The following SORBS2 variants were observed in gnomAD, a reference collection of about 807,000 sequenced individuals.
The protein encoded by SORBS2 is sorbin and SH3 domain containing 2.
In SORBS2, 46 loss-of-function variants were observed where a neutral mutation model predicts 97.7. The observed-to-expected ratio is 0.47, with a 90% CI of 0.37 to 0.60. The LOEUF (loss-of-function observed/expected upper bound fraction) is 0.60, where lower values mean the gene tolerates loss of function less well. SORBS2 is among the 20% of genes least tolerant of loss of function. SORBS2 has a pLI of 0.00. For missense variants in SORBS2, 1,316 were observed against 1,282.3 expected, an observed-to-expected ratio of 1.03 and a Z score of -0.40; for synonymous variants, 476 against 473.4, an observed-to-expected ratio of 1.01 and a Z score of -0.07.
At chr4:185,792,938 C>A (rs190397988) in intron 1 of SORBS2, among the ~76,000 whole-genome samples, 2 of 152,192 alleles carry the variant, frequency 1.3e-5, no homozygotes, top group East Asian at 1.9e-4. Context: ...AACTTCTCTG[C>A]GCCTGTTTCC....
intron 2 of SORBS2, among the ~76,000 whole-genome samples, 188 bp from the exon 3 acceptor site, chr4:185,734,342 G>A (rs2098667857): frequency 6.6e-6 from 1 of 152,138 alleles, no homozygotes; most frequent in South Asian, 2.1e-4. Flanking sequence ...GATACTTACT[G>A]TTTTTAGTTT....
intron 1 of SORBS2, among the ~76,000 whole-genome samples, chr4:185,845,941 CTCAT>C (rs144382373): frequency 0.051 from 7,823 of 152,274 alleles, 246 homozygotes; most frequent in African/African-American, 0.088. Flanking sequence ...AACAGGAGCT[CTCAT>C]TCACTGCTAG....
chr4:185,637,195 A>G (rs1171095985), intron 4 of SORBS2, among the ~76,000 whole-genome samples: 1 of 152,268 alleles, frequency 6.6e-6, no homozygotes, highest in East Asian at 1.9e-4. Context: ...CTATGGGATT[A>G]TAAGACTGTA....
At chr4:185,610,676 G>A (rs1042585912) in intron 12 of SORBS2, among the ~76,000 whole-genome samples, 3 of 152,040 alleles carry the variant, frequency 2.0e-5, no homozygotes, top group African/African-American at 7.2e-5. Flanking sequence ...TCACTGGGAT[G>A]CTATCTTGAA....
At chr4:185,629,270 G>A (rs899336293) in intron 5 of SORBS2, among the ~76,000 whole-genome samples, 2 of 151,984 alleles carry the variant, frequency 1.3e-5, no homozygotes, top group African/African-American at 2.4e-5. Context: ...GTGTCTTTAC[G>A]GCAATCTGTA....
intron 11 of SORBS2, among the ~76,000 whole-genome samples, chr4:185,614,344 A>T (rs927158575): frequency 3.3e-5 from 5 of 151,814 alleles, no homozygotes; most frequent in South Asian, 2.1e-4. Context: ...CCAAAGAAGG[A>T]TGATCCAGGG....
At position 185,586,171 on chromosome 4, in the gene SORBS2, A is replaced by G. The variant is rs1005666371; in HGVS notation, c.*1456T>C. 3.9e-5 allele frequency: 6 copies of G among 152,690 alleles called. No individual in the cohort carries two copies. In the South Asian group the frequency reaches 1.0e-3, roughly 26 times the overall value. The allele number at this position is 152,690 out of a possible 1,614,324, so 9.5% of individuals were successfully genotyped here. A position where few individuals can be genotyped will look rare whatever the true frequency, so the allele number is the denominator to read the frequency against. ...TATCACTGTCCATGAAAGAGATGCC[A>G]TAAAAAGTTTTATCTGTAAGGTGCT... On this transcript the variant is annotated 3_prime_UTR_variant, in exon 15 of 15. Transcript: ENST00000418609.
chr4:185,860,438 A>T (rs973416896), intron 1 of SORBS2, among the ~76,000 whole-genome samples: 2 of 152,236 alleles, frequency 1.3e-5, no homozygotes, highest in Non-Finnish European at 2.9e-5. Context: ...AGGGCCTCAC[A>T]TGGAACTGGC....
intron 2 of SORBS2, among the ~76,000 whole-genome samples, chr4:185,697,854 A>T (rs977284408): frequency 3.9e-5 from 6 of 152,224 alleles, no homozygotes; most frequent in African/African-American, 1.4e-4. Context: ...ACCATTTTTT[A>T]AAATTTTATG....
chr4:185,732,893 A>T (rs1201471064), intron 2 of SORBS2, among the ~76,000 whole-genome samples: 1 of 152,188 alleles, frequency 6.6e-6, no homozygotes, highest in Non-Finnish European at 1.5e-5. Context: ...GGAGAGAGAG[A>T]TTTGGAGACA....
At chr4:185,752,478 G>T (rs866745301) in intron 2 of SORBS2, among the ~76,000 whole-genome samples, 1 of 152,082 alleles carries the variant, frequency 6.6e-6, no homozygotes, top group Admixed American at 6.6e-5. Context: ...GGGTTTCACC[G>T]TGTTGGCCAG....
At chr4:185,896,920 T>A (rs547583209) in intron 1 of SORBS2, among the ~76,000 whole-genome samples, 1 of 147,170 alleles carries the variant, frequency 6.8e-6, no homozygotes, top group African/African-American at 2.5e-5. Context: ...CACATGTCAG[T>A]GATTGGTTGT....
chr4:185,623,378 T>C lies in SORBS2; in HGVS notation c.1751A>G (p.Glu584Gly). 2 of 1,613,164 alleles carry C rather than the reference T, an allele frequency of 1.2e-6. No homozygotes were observed. The highest frequency in any genetic ancestry group is 1.7e-6 in the Non-Finnish European group (2 of 1,180,030). Residue 584 changes from glutamate to glycine, a missense_variant, in exon 7 of 15, where the codon GAA (glutamate) becomes GGA (glycine). Transcript: ENST00000418609. This position sits in a 1 kb window ranked among gnomAD's most constrained non-coding sequence, Gnocchi z 6.4. ...TTGCCTTCTGGGCTCCTCGGTGTTT[T>C]CGTGTCTGGCTCTTTCGTGTTTTAA...
intron 1 of SORBS2, among the ~76,000 whole-genome samples, chr4:185,870,355 A>G (rs1375375530): frequency 6.6e-6 from 1 of 152,200 alleles, no homozygotes; most frequent in Non-Finnish European, 1.5e-5. Flanking sequence ...GAAGACTGTG[A>G]GCTCTGAGCC....
rs1373777004 is a variant in SORBS2, at chr4:185,654,443, A to G, written c.25-1715T>C. ...CAAGGAAGCCTACTAAGTAAGTCCT[A>G]TCACTGTATATGGCAATACATGTTG... On this transcript the variant is annotated intron_variant, in intron 1 of 14. Transcript: ENST00000418609. Among the ~76,000 whole-genome samples the G allele has an allele frequency of 3.9e-5, 6 of 152,322 alleles. No individual in the cohort carries two copies. In the South Asian group the frequency reaches 1.0e-3, roughly 26 times the overall value.
chr4:185,657,534 G>A (rs927616197), upstream of SORBS2: 6 of 1,582,074 alleles, frequency 3.8e-6, no homozygotes, highest in Non-Finnish European at 5.1e-6. Flanking sequence ...CGGTACAGGG[G>A]GATAGAGCTG....
At chr4:185,729,892 G>T (rs531781532) in intron 2 of SORBS2, among the ~76,000 whole-genome samples, 2 of 152,256 alleles carry the variant, frequency 1.3e-5, no homozygotes, top group African/African-American at 4.8e-5. Context: ...TGTCATTGGG[G>T]TGTATTGTAA....
intron 1 of SORBS2, among the ~76,000 whole-genome samples, chr4:185,899,786 G>C (rs1343096374): frequency 6.6e-6 from 1 of 152,136 alleles, no homozygotes; most frequent in Non-Finnish European, 1.5e-5. Context: ...ATACCTTCAG[G>C]CTTCGCACGT....
chr4:185,661,517 T>C (rs2097522111), upstream of SORBS2, among the ~76,000 whole-genome samples: 4 of 152,192 alleles, frequency 2.6e-5, no homozygotes, highest in South Asian at 8.3e-4. Context: ...TGAGAACGAT[T>C]GCTCTATACA....
Sources: allele counts gnomAD v4.1 joint callset (sites outside exome capture counted in the v4.1 genomes callset), GRCh38; gene constraint gnomAD v4.1.1; non-coding constraint Gnocchi (gnomAD v3.1); transcripts MANE v1.5; gene names NCBI Gene and HGNC (gene_info 2026-07-23, HGNC 2026-07-21).